KIAA1217: variants seen among roughly 807,000 people sequenced by gnomAD.
KIAA1217 encodes the protein KIAA1217.
In KIAA1217, 88 loss-of-function variants were observed where a neutral mutation model predicts 163.9. The observed-to-expected ratio is 0.54, with a 90% CI of 0.45 to 0.64. KIAA1217 has a LOEUF of 0.64. Among genes scored for constraint, KIAA1217 ranks in the 30% least tolerant of loss-of-function variants. The probability of loss-of-function intolerance (pLI) is 0.00; values close to 1 mark genes in which losing one functional copy is unlikely to be tolerated. For missense variants in KIAA1217, 2,372 were observed against 2,475.0 expected (o/e 0.96, Z 0.88); for synonymous variants, 903 against 923.1 (o/e 0.98, Z 0.39).
At chr10:24,419,815 T>G (rs908865520) in intron 3 of KIAA1217, among the ~76,000 whole-genome samples, 5 of 152,216 alleles carry the variant, frequency 3.3e-5, no homozygotes, top group African/African-American at 1.2e-4. Flanking sequence ...TCACAATGTA[T>G]ATTATTGTTT....
At chr10:24,313,723 G>A (rs140355476) in intron 2 of KIAA1217, among the ~76,000 whole-genome samples, 2 of 152,116 alleles carry the variant, frequency 1.3e-5, no homozygotes, top group East Asian at 3.9e-4. Context: ...CTTGAGAGAG[G>A]TGATCCTTTG....
At chr10:23,974,887 C>CT (rs1845475635) in intron 1 of KIAA1217, among the ~76,000 whole-genome samples, 1 of 151,720 alleles carries the variant, frequency 6.6e-6, no homozygotes, top group African/African-American at 2.4e-5. Context: ...TATCCTTCCC[C>CT]CCCCCATAGA....
chr10:24,246,944 C>T (rs926757684), intron 2 of KIAA1217, among the ~76,000 whole-genome samples: 12 of 151,246 alleles, frequency 7.9e-5, no homozygotes, highest in Admixed American at 4.0e-4. Flanking sequence ...AACCCGATGG[C>T]GGAGGCTGCA....
intron 12 of KIAA1217, 138 bp from the exon 13 acceptor site, chr10:24,524,185 C>A: frequency 1.3e-6 from 1 of 780,906 alleles, no homozygotes. Flanking sequence ...AGGGATATGT[C>A]TATACATGTC....
Position 24,501,393 on chromosome 10 carries a change from T to A in KIAA1217, c.1849T>A (p.Ser617Thr), listed in dbSNP as rs147534872. The A allele has an allele frequency of 2.7e-5, 44 of 1,609,950 alleles. No individual in the cohort carries two copies. Among genetic ancestry groups the A allele is most frequent in the Non-Finnish European group, 3.2e-5 (38 of 1,176,780 alleles). Reference sequence around the variant, plus strand: ...TTTTCTCATAGGAACGCCCCATGTGTCTGGTGGGAAGATGCTCAGTGCTCT... The same window carrying A: ...TTTTCTCATAGGAACGCCCCATGTGACTGGTGGGAAGATGCTCAGTGCTCT... ...HTDSAGTPHV[S>T]GGKMLSALES... Residue 617 changes from serine (S) to threonine (T), a missense_variant, in exon 9 of 21, where the codon TCT (serine) becomes ACT (threonine). Ser to Thr is a moderately conservative substitution (Grantham distance 58, BLOSUM62 1). Coordinates refer to ENST00000376454, the MANE Select transcript of KIAA1217 (RefSeq NM_019590.5).
intron 1 of KIAA1217, among the ~76,000 whole-genome samples, chr10:23,698,602 T>C (rs1836204187): frequency 2.0e-5 from 3 of 151,990 alleles, no homozygotes; most frequent in African/African-American, 7.3e-5. Flanking sequence ...GATTACCGAG[T>C]TTAGAAAATA....
At chr10:24,473,190 A>T (rs767042137) in intron 5 of KIAA1217, 38 bp from the exon 6 acceptor site, 2 of 1,421,036 alleles carry the variant, frequency 1.4e-6, no homozygotes, top group Admixed American at 2.3e-5. Flanking sequence ...AAACACGAAT[A>T]TCAAAGTCAA....
chr10:24,372,028 A>G (rs11014063), intron 2 of KIAA1217, among the ~76,000 whole-genome samples: 24,580 of 152,156 alleles, frequency 0.16, 2,286 homozygotes, highest in South Asian at 0.3. Flanking sequence ...AAAGATGGCA[A>G]TAATAGACAC....
At chr10:23,756,871 C>T (rs1012969544) in intron 1 of KIAA1217, among the ~76,000 whole-genome samples, 1 of 152,204 alleles carries the variant, frequency 6.6e-6, no homozygotes, top group Non-Finnish European at 1.5e-5. Flanking sequence ...ATCCCACATA[C>T]ATTTTTCATC....
At chr10:24,472,323 C>T (rs558796746) in intron 5 of KIAA1217, among the ~76,000 whole-genome samples, 9 of 152,290 alleles carry the variant, frequency 5.9e-5, no homozygotes, top group African/African-American at 2.2e-4. Flanking sequence ...TAATTATTTC[C>T]TTCCAGCCTC....
intron 1 of KIAA1217, among the ~76,000 whole-genome samples, chr10:23,761,083 C>G (rs991008498): frequency 6.6e-6 from 1 of 151,562 alleles, no homozygotes; most frequent in Non-Finnish European, 1.5e-5. Flanking sequence ...GATCTCATCT[C>G]TACAAAAAAA....
At chr10:24,286,964 A>G (rs1424289103) in intron 2 of KIAA1217, among the ~76,000 whole-genome samples, 1 of 152,222 alleles carries the variant, frequency 6.6e-6, no homozygotes, top group Non-Finnish European at 1.5e-5. Context: ...CAAATAATAC[A>G]AAATTCCTCA....
intron 1 of KIAA1217, among the ~76,000 whole-genome samples, chr10:23,941,924 C>T (rs1195240762): frequency 6.6e-6 from 1 of 151,998 alleles, no homozygotes; most frequent in Non-Finnish European, 1.5e-5. Context: ...CTTGCCCTAA[C>T]CAAAGGAGAA....
Position 24,545,829 on chromosome 10 carries a change from T to C in KIAA1217, c.5337T>C (p.Ala1779=), listed in dbSNP as rs1239710609. ...TCTCCCGCCATCTTTATTTGCAGGC[T>C]AATGGAAGTGCTAAGAAATCTGGTG... The part of the protein sequence containing the change: ...KLQDPRQYRQ[A]NGSAKKSGGD... Residue 1779 remains alanine, a splice_region_variant and synonymous_variant, in exon 21 of 21, where the codon GCT becomes GCC. Transcript: ENST00000376454. 1.3e-5 allele frequency: 20 copies of C among 1,587,830 alleles called. No homozygotes were observed. The highest frequency in any genetic ancestry group is 1.8e-5 in the Admixed American group (1 of 56,512).
At position 24,422,339 on chromosome 10, in the gene KIAA1217, A is replaced by G. The variant is rs1253942536; in HGVS notation, c.554-10656A>G. On this transcript the variant is annotated intron_variant, in intron 3 of 20. Coordinates refer to ENST00000376454, the MANE Select transcript of KIAA1217 (RefSeq NM_019590.5). ...TAGCCTTATAACATTAATTGATATT[A>G]TAATATTTGATTTAAACCACAGCTC... Among the ~76,000 whole-genome samples, 4 of 152,342 alleles carry G rather than the reference A, an allele frequency of 2.6e-5. No homozygotes were observed. In the South Asian group the frequency reaches 8.3e-4, roughly 32 times the overall value.
At chr10:24,463,691 G>A (rs773950379) in intron 5 of KIAA1217, among the ~76,000 whole-genome samples, 10 of 152,192 alleles carry the variant, frequency 6.6e-5, no homozygotes, top group Middle Eastern at 3.2e-3. Context: ...AGGGAAAATA[G>A]GAATGAATAT....
Position 24,545,683 on chromosome 10 carries a change from A to G in KIAA1217, c.5335-144A>G, listed in dbSNP as rs2075664740. 18 of 1,461,354 alleles carry G rather than the reference A, an allele frequency of 1.2e-5. No individual in the cohort carries two copies. The South Asian group carries it at 2.5e-4, about 20-fold the overall frequency. The allele number at this position is 1,461,354 out of a possible 1,614,324, so 90.5% of individuals were successfully genotyped here. On this transcript the variant is annotated intron_variant, in intron 20 of 20. Transcript: ENST00000376454. ...TTTCTACCAGGTCCAGTAGAGCACAACAAGACTTAGCTCAGGCCTTGAACT... is the reference window on the plus strand; with the variant it reads ...TTTCTACCAGGTCCAGTAGAGCACAGCAAGACTTAGCTCAGGCCTTGAACT...
intron 2 of KIAA1217, among the ~76,000 whole-genome samples, chr10:24,044,072 C>T (rs1302678954): frequency 2.0e-5 from 3 of 152,040 alleles, no homozygotes; most frequent in Non-Finnish European, 4.4e-5. Context: ...TATTCTATGA[C>T]AAGACATTTT....
At chr10:24,300,716 C>T (rs1402357341) in intron 2 of KIAA1217, among the ~76,000 whole-genome samples, 3 of 151,974 alleles carry the variant, frequency 2.0e-5, no homozygotes, top group East Asian at 3.9e-4. Flanking sequence ...TAGAGGCATG[C>T]ACCACCACAC....
Sources: allele counts gnomAD v4.1 joint callset (sites outside exome capture counted in the v4.1 genomes callset), GRCh38; gene constraint gnomAD v4.1.1; transcripts MANE v1.5; gene names NCBI Gene and HGNC (gene_info 2026-07-23, HGNC 2026-07-21).